Variants in IRAK1BP1 observed in about 807,000 individuals in gnomAD.
IRAK1BP1 encodes interleukin-1 receptor-associated kinase 1-binding protein 1.
Under a neutral mutation model 28.0 loss-of-function variants are expected in IRAK1BP1, and 24 were observed. The observed-to-expected ratio is 0.86, with a 90% confidence interval of 0.62 to 1.20. IRAK1BP1 has a LOEUF of 1.20. IRAK1BP1 is among the 50% of genes most tolerant of loss of function. The pLI, the probability that IRAK1BP1 is intolerant of heterozygous loss-of-function variation, is 0.00. For missense variants in IRAK1BP1, 336 were observed against 316.7 expected, an observed-to-expected ratio of 1.06 and a Z score of -0.46; for synonymous variants, 131 against 116.3, an observed-to-expected ratio of 1.13 and a Z score of -0.81.
intron 4 of IRAK1BP1, chr6:78,935,608 TA>T: frequency 1.0e-6 from 1 of 979,828 alleles, no homozygotes; most frequent in Non-Finnish European, 1.2e-6. Context: ...AATGTACACA[TA>T]AAAAGGCATA....
the IRAK1BP1 span, among the ~76,000 whole-genome samples, chr6:78,973,271 C>G: frequency 6.6e-6 from 1 of 151,404 alleles, no homozygotes; most frequent in Non-Finnish European, 1.5e-5. Context: ...CATATCCAGC[C>G]AAAGTAAGCT....
At chr6:78,869,890 C>T (rs1266343409) in intron 1 of IRAK1BP1, among the ~76,000 whole-genome samples, 1 of 151,842 alleles carries the variant, frequency 6.6e-6, no homozygotes, top group East Asian at 1.9e-4. Flanking sequence ...GGGCAGATCA[C>T]CTGAGGTGAG....
At chr6:78,950,955 T>C (rs1008774097), downstream of IRAK1BP1, among the ~76,000 whole-genome samples, 1 of 152,146 alleles carries the variant, frequency 6.6e-6, no homozygotes, top group Non-Finnish European at 1.5e-5. Context: ...AACTTCTCCT[T>C]TTCTGCTGTA....
chr6:78,888,720 G>A (rs1428299993), intron 2 of IRAK1BP1, among the ~76,000 whole-genome samples: 2 of 151,902 alleles, frequency 1.3e-5, no homozygotes, highest in South Asian at 2.1e-4. Context: ...TGGCCAGGCT[G>A]GTCTGGCCAA....
At chr6:78,868,399 G>A (rs1376028942) in intron 1 of IRAK1BP1, among the ~76,000 whole-genome samples, 1 of 152,204 alleles carries the variant, frequency 6.6e-6, no homozygotes, top group African/African-American at 2.4e-5. Context: ...AAGTGGGGAA[G>A]AAGTTGCGTC....
At chr6:78,884,858 T>C (rs771034522) in intron 1 of IRAK1BP1, among the ~76,000 whole-genome samples, 19 of 152,066 alleles carry the variant, frequency 1.2e-4, no homozygotes, top group Non-Finnish European at 2.4e-4. Context: ...CTTCATACTT[T>C]CATTATAAGG....
chr6:78,964,618 G>C, the IRAK1BP1 span, among the ~76,000 whole-genome samples: 2 of 151,968 alleles, frequency 1.3e-5, no homozygotes, highest in African/African-American at 2.4e-5. Flanking sequence ...TCAACCTTCT[G>C]AGTAGCTGGG....
At chr6:78,875,982 A>G (rs916094424) in intron 1 of IRAK1BP1, among the ~76,000 whole-genome samples, 1 of 152,136 alleles carries the variant, frequency 6.6e-6, no homozygotes, top group African/African-American at 2.4e-5. Context: ...ATTCCTATGA[A>G]AATAATTTTT....
downstream of IRAK1BP1, among the ~76,000 whole-genome samples, chr6:78,906,981 C>T (rs907573139): frequency 6.6e-6 from 1 of 152,044 alleles, no homozygotes; most frequent in Non-Finnish European, 1.5e-5. Context: ...CAATATTCTT[C>T]GAAGACTGAG....
chr6:78,970,709 C>A, the IRAK1BP1 span: 1 of 954,850 alleles, frequency 1.0e-6, no homozygotes, highest in South Asian at 1.5e-5. Context: ...TTAATAGTAA[C>A]CTTTGATACA....
intron 1 of IRAK1BP1, among the ~76,000 whole-genome samples, chr6:78,877,982 A>C (rs1287550985): frequency 6.6e-6 from 1 of 151,830 alleles, no homozygotes; most frequent in Non-Finnish European, 1.5e-5. Flanking sequence ...AGGTAAAAAA[A>C]AAAAGCAGCC....
chr6:78,893,280 A>G (rs1256516067), intron 2 of IRAK1BP1, among the ~76,000 whole-genome samples: 60 of 114,634 alleles, frequency 5.2e-4, no homozygotes, highest in East Asian at 1.3e-3. Flanking sequence ...GTGTATATAT[A>G]TGTGTGTATA....
chr6:78,885,440 A>C lies in IRAK1BP1; in HGVS notation c.378A>C (p.Ala126=). ...TGGAAAATGCTTATCACATGGAAGC[A>C]GAGGTATGTACTTAACAAATAATTG... ...RRVENAYHME[A]EVCITFTEFG... Residue 126 remains alanine, a synonymous_variant, in exon 2 of 4, where the codon GCA becomes GCC. Coordinates refer to ENST00000369940, the MANE Select transcript of IRAK1BP1 (RefSeq NM_001010844.4). 1 of 1,406,100 alleles carries C rather than the reference A, an allele frequency of 7.1e-7. No homozygotes were observed. Among genetic ancestry groups the C allele is most frequent in the Non-Finnish European group, 9.5e-7 (1 of 1,048,252 alleles). 87.1% of individuals were successfully genotyped at this position (1,406,100 alleles called of 1,614,324 possible). A position where few individuals can be genotyped will look rare whatever the true frequency, so the allele number is the denominator to read the frequency against.
At chr6:78,960,182 CTAAGTCAAACCATTG>C in the IRAK1BP1 span, among the ~76,000 whole-genome samples, 1 of 152,146 alleles carries the variant, frequency 6.6e-6, no homozygotes, top group Admixed American at 6.6e-5. Flanking sequence ...GCTGAAAAAT[CTAAGTCAAACCATTG>C]TAAGTCAAAC....
At chr6:78,963,150 C>A in the IRAK1BP1 span, 1 of 1,609,914 alleles carries the variant, frequency 6.2e-7, no homozygotes, top group Non-Finnish European at 8.5e-7. Flanking sequence ...TTCTTCATCC[C>A]TGGGATTGGT....
chr6:78,966,331 C>A, the IRAK1BP1 span, among the ~76,000 whole-genome samples: 2 of 152,162 alleles, frequency 1.3e-5, no homozygotes, highest in African/African-American at 4.8e-5. Context: ...GGCATTTTTA[C>A]CAATCTAGCA....
In IRAK1BP1 at chr6:78,867,697, C is replaced by T. The variant is rs376616667; in HGVS notation, c.121C>T (p.Leu41Phe). The T allele has an allele frequency of 3.7e-6, 6 of 1,614,160 alleles. No homozygotes were observed. The highest frequency in any genetic ancestry group is 2.2e-5 in the East Asian group (1 of 44,890). The change falls in exon 1 of 4, where the codon CTC (leucine) becomes TTC (phenylalanine). Residue 41 changes from leucine (L) to phenylalanine (F), a missense_variant. By Grantham distance (22) the Leu-to-Phe change is conservative. Coordinates refer to ENST00000369940, the MANE Select transcript of IRAK1BP1 (RefSeq NM_001010844.4). ...RETLPGLRHP[L>F]SSTQAQTATR... ...GACGCTACCGGGCTTACGCCACCCC[C>T]TCTCCTCAACACAAGCCCAAACTGC... is the stretch of plus-strand genomic sequence containing the variant.
At chr6:78,955,591 A>G in the IRAK1BP1 span, 4 of 767,986 alleles carry the variant, frequency 5.2e-6, no homozygotes, top group Non-Finnish European at 9.0e-6. Context: ...CAATATGGTA[A>G]TAATAATGAA....
the IRAK1BP1 span, among the ~76,000 whole-genome samples, chr6:78,953,688 T>C: frequency 6.6e-6 from 1 of 152,290 alleles, no homozygotes; most frequent in East Asian, 1.9e-4. Flanking sequence ...TTTCTGATAT[T>C]TATCTGTTGA....
Sources: allele counts gnomAD v4.1 joint callset (sites outside exome capture counted in the v4.1 genomes callset), GRCh38; gene constraint gnomAD v4.1.1; transcripts MANE v1.5; gene names NCBI Gene and HGNC (gene_info 2026-07-23, HGNC 2026-07-21).